The following PTPRT variants were observed in gnomAD, a reference collection of about 807,000 sequenced individuals.
PTPRT encodes the protein receptor-type tyrosine-protein phosphatase T.
A neutral mutation model predicts 176.8 loss-of-function variants in PTPRT; 56 were observed. That is an observed-to-expected ratio of 0.32 (90% CI 0.26 to 0.40). PTPRT has a LOEUF of 0.40. Among genes scored for constraint, PTPRT ranks in the 10% least tolerant of loss-of-function variants. The pLI is 1.00. For synonymous variants in PTPRT, 783 were observed against 739.0 expected (o/e 1.06, Z -0.96); for missense variants, 1,540 against 1,908.2 (o/e 0.81, Z 3.60).
At chr20:42,126,452 C>T in intron 19 of PTPRT, among the ~76,000 whole-genome samples, 1 of 152,106 alleles carries the variant, frequency 6.6e-6, no homozygotes, top group East Asian at 1.9e-4. Context: ...TGGTACTTAC[C>T]TTGTGAAGTT....
chr20:42,634,031 ATT>A (rs1569038560), intron 7 of PTPRT, among the ~76,000 whole-genome samples: 2,166 of 31,092 alleles, frequency 0.07, 205 homozygotes, highest in Non-Finnish European at 0.087. Context: ...TAATATATAT[ATT>A]ATATATATTA....
intron 15 of PTPRT, among the ~76,000 whole-genome samples, chr20:42,206,951 C>A (rs531883032): frequency 6.6e-6 from 1 of 151,794 alleles, no homozygotes; most frequent in African/African-American, 2.4e-5. Context: ...ATCTGAGAAC[C>A]TGCAGACTGC....
intron 7 of PTPRT, among the ~76,000 whole-genome samples, chr20:42,495,555 A>C (rs961228902): frequency 6.6e-6 from 1 of 152,226 alleles, no homozygotes; most frequent in Non-Finnish European, 1.5e-5. Context: ...AAAGGCACAC[A>C]GACCATCCAC....
At chr20:42,929,450 T>C (rs2053456975) in intron 1 of PTPRT, among the ~76,000 whole-genome samples, 1 of 152,184 alleles carries the variant, frequency 6.6e-6, no homozygotes, top group Admixed American at 6.5e-5. Flanking sequence ...TAGGAAAAAA[T>C]ACAACTAAAA....
intron 15 of PTPRT, among the ~76,000 whole-genome samples, chr20:42,215,257 A>G (rs1219515535): frequency 6.6e-6 from 1 of 152,148 alleles, no homozygotes; most frequent in African/African-American, 2.4e-5. Context: ...CTGGCCCTGG[A>G]CTGACTTGGC....
intron 1 of PTPRT, among the ~76,000 whole-genome samples, chr20:43,042,662 A>G (rs1986657336): frequency 6.6e-6 from 1 of 151,246 alleles, no homozygotes; most frequent in African/African-American, 2.4e-5. Context: ...CCACACAAGG[A>G]AAGTTGCCTT....
chr20:42,155,176 C>A (rs1457865308), intron 17 of PTPRT, among the ~76,000 whole-genome samples: 1 of 152,214 alleles, frequency 6.6e-6, no homozygotes, highest in African/African-American at 2.4e-5. Context: ...CCCAGTGAAA[C>A]TGATCTGAAA....
At chr20:42,716,283 G>A (rs1436703400) in intron 6 of PTPRT, among the ~76,000 whole-genome samples, 5 of 152,004 alleles carry the variant, frequency 3.3e-5, no homozygotes, top group Non-Finnish European at 5.9e-5. Context: ...GGGATGGCTG[G>A]GTCAAATGGT....
chr20:43,049,076 G>A (rs1986948297), intron 1 of PTPRT, among the ~76,000 whole-genome samples: 1 of 152,170 alleles, frequency 6.6e-6, no homozygotes, highest in Admixed American at 6.5e-5. Flanking sequence ...TTCAGAGGCT[G>A]TTACCCTGTT....
At chr20:42,925,546 C>A (rs956688927) in intron 1 of PTPRT, among the ~76,000 whole-genome samples, 2 of 152,192 alleles carry the variant, frequency 1.3e-5, no homozygotes, top group Admixed American at 1.3e-4. Context: ...GAATTCAATG[C>A]TCATGGATGC....
chr20:42,812,352 C>T (rs2077710392), intron 2 of PTPRT, among the ~76,000 whole-genome samples: 1 of 152,066 alleles, frequency 6.6e-6, no homozygotes, highest in South Asian at 2.1e-4. Context: ...TTTCATCACC[C>T]CAAAGAGAAA....
chr20:42,452,267 C>CAAAA (rs200511615), intron 8 of PTPRT, among the ~76,000 whole-genome samples: 3 of 118,124 alleles, frequency 2.5e-5, no homozygotes, highest in African/African-American at 6.3e-5. Flanking sequence ...GACTCCATCT[C>CAAAA]AAAAAAAAAA....
chr20:42,664,350 C>T (rs910671477), intron 7 of PTPRT, among the ~76,000 whole-genome samples: 11 of 152,116 alleles, frequency 7.2e-5, no homozygotes, highest in East Asian at 5.8e-4. Flanking sequence ...TTTTAGTTAA[C>T]ATGGCATAGA....
intron 7 of PTPRT, among the ~76,000 whole-genome samples, chr20:42,665,239 A>C (rs1447905111): frequency 1.3e-5 from 2 of 152,190 alleles, no homozygotes; most frequent in Non-Finnish European, 2.9e-5. Context: ...CAATGAACTC[A>C]AACAAATTTA....
intron 1 of PTPRT, among the ~76,000 whole-genome samples, chr20:43,139,374 T>C (rs529386936): frequency 1.3e-5 from 2 of 152,304 alleles, no homozygotes; most frequent in East Asian, 3.9e-4. Flanking sequence ...GTCAGTTTGA[T>C]TTTTCCTGAA....
chr20:42,398,598 C>A (rs1470248978), intron 9 of PTPRT, among the ~76,000 whole-genome samples: 3 of 152,038 alleles, frequency 2.0e-5, no homozygotes, highest in Non-Finnish European at 4.4e-5. Context: ...TCGACAAGAA[C>A]AAAATCTCTT....
intron 2 of PTPRT, among the ~76,000 whole-genome samples, chr20:42,799,021 G>GA (rs531522825): frequency 6.3e-4 from 96 of 151,352 alleles, no homozygotes; most frequent in African/African-American, 2.3e-3. Flanking sequence ...CACTTTCTGA[G>GA]AAAAAAAGGA....
chr20:43,070,887 C>T (rs2011171239), intron 1 of PTPRT, among the ~76,000 whole-genome samples: 1 of 150,584 alleles, frequency 6.6e-6, no homozygotes, highest in Non-Finnish European at 1.5e-5. Context: ...TTAATGGGTG[C>T]AGCACACCAA....
intron 2 of PTPRT, among the ~76,000 whole-genome samples, chr20:42,823,113 A>G (rs1005220858): frequency 1.3e-5 from 2 of 152,210 alleles, no homozygotes; most frequent in Admixed American, 6.5e-5. Context: ...CACTATTTAC[A>G]ATAGCAAAGA....
Sources: gnomAD v4.1 joint callset for allele counts (sites outside exome capture counted in the v4.1 genomes callset) on GRCh38, gnomAD v4.1.1 for gene constraint, MANE v1.5 for transcripts, NCBI Gene and HGNC (gene_info 2026-07-23, HGNC 2026-07-21) for gene names.